The following ADCY8 variants were observed in gnomAD, a reference collection of about 807,000 sequenced individuals.
ADCY8 encodes the protein adenylate cyclase 8, also known as adenylate cyclase type 8.
ADCY8 carries 51 observed loss-of-function variants against 119.7 expected under a neutral mutation model. That is an observed-to-expected ratio of 0.43 (90% CI 0.34 to 0.54). ADCY8 has a LOEUF of 0.54. ADCY8 is among the 20% of genes least tolerant of loss of function. The pLI is 0.03. For missense variants in ADCY8, 1,383 were observed against 1,598.8 expected, an observed-to-expected ratio of 0.87 and a Z score of 2.30; for synonymous variants, 665 against 651.0, an observed-to-expected ratio of 1.02 and a Z score of -0.33.
intron 12 of ADCY8, among the ~76,000 whole-genome samples, chr8:130,822,558 C>G (rs183699742): frequency 5.4e-5 from 8 of 149,298 alleles, no homozygotes; most frequent in African/African-American, 1.5e-4. Context: ...ATCCATCCAT[C>G]CATCCATCCA....
At chr8:130,792,748 A>G (rs1224693876) in intron 15 of ADCY8, among the ~76,000 whole-genome samples, 1 of 151,976 alleles carries the variant, frequency 6.6e-6, no homozygotes, top group Non-Finnish European at 1.5e-5. Flanking sequence ...TCCACTCTTG[A>G]CCCTGTTCTT....
intron 14 of ADCY8, among the ~76,000 whole-genome samples, chr8:130,806,600 A>G (rs1374868428): frequency 6.6e-6 from 1 of 152,178 alleles, no homozygotes; most frequent in Non-Finnish European, 1.5e-5. Context: ...AGAGCCCAAA[A>G]GGAGTGAGCT....
At chr8:130,879,065 A>AAAG (rs1203148594) in intron 8 of ADCY8, among the ~76,000 whole-genome samples, 1 of 152,156 alleles carries the variant, frequency 6.6e-6, no homozygotes, top group Non-Finnish European at 1.5e-5. Flanking sequence ...TTAAGATGCT[A>AAAG]AAGTTTTGGG....
chr8:130,823,753 G>A (rs1816589680), intron 12 of ADCY8, among the ~76,000 whole-genome samples: 1 of 151,934 alleles, frequency 6.6e-6, no homozygotes, highest in Non-Finnish European at 1.5e-5. Context: ...AATAAAAATT[G>A]CCCTTAAGCC....
At chr8:130,885,204 T>C (rs925738976) in intron 7 of ADCY8, among the ~76,000 whole-genome samples, 1 of 144,520 alleles carries the variant, frequency 6.9e-6, no homozygotes, top group African/African-American at 2.6e-5. Flanking sequence ...GTGGAGAGAC[T>C]TGGGGTCTTA....
chr8:130,799,915 G>A (rs1302815661), intron 15 of ADCY8, among the ~76,000 whole-genome samples: 1 of 138,346 alleles, frequency 7.2e-6, no homozygotes, highest in Non-Finnish European at 1.5e-5. Flanking sequence ...GAATGGAACT[G>A]AAGTGCAGCG....
chr8:130,999,813 C>CA (rs1178581810), intron 1 of ADCY8, among the ~76,000 whole-genome samples: 13 of 152,182 alleles, frequency 8.5e-5, no homozygotes, highest in Admixed American at 7.2e-4. Flanking sequence ...GCCTTGAGTT[C>CA]ATTTTCTTTT....
intron 11 of ADCY8, among the ~76,000 whole-genome samples, chr8:130,846,875 CCCTTCCCTTCCCTTTCCTT>C (rs1418629598): frequency 9.0e-5 from 3 of 33,158 alleles, no homozygotes; most frequent in African/African-American, 4.7e-4. Flanking sequence ...CCCTTCCCTT[CCCTTCCCTTCCCTTTCCTT>C]CCTTCCTTCC....
chr8:130,952,912 G>A (rs1359240686), intron 2 of ADCY8, among the ~76,000 whole-genome samples: 2 of 152,204 alleles, frequency 1.3e-5, no homozygotes, highest in African/African-American at 4.8e-5. Flanking sequence ...GGCTTACAAG[G>A]CACTAGCTCT....
intron 9 of ADCY8, among the ~76,000 whole-genome samples, chr8:130,862,289 T>C (rs1442760721): frequency 6.6e-6 from 1 of 152,218 alleles, no homozygotes; most frequent in Non-Finnish European, 1.5e-5. Flanking sequence ...TAGATTGTTA[T>C]TAATTTTAGA....
intron 5 of ADCY8, among the ~76,000 whole-genome samples, chr8:130,917,329 A>G (rs1391893505): frequency 1.3e-5 from 2 of 152,200 alleles, no homozygotes; most frequent in Non-Finnish European, 2.9e-5. Flanking sequence ...AGCTTACATC[A>G]ATGTGGTTTA....
chr8:130,851,244 A>G (rs1817516327), intron 9 of ADCY8, among the ~76,000 whole-genome samples: 1 of 152,230 alleles, frequency 6.6e-6, no homozygotes, highest in African/African-American at 2.4e-5. Context: ...TAATTGAGAG[A>G]GGAATATAAA....
chr8:131,038,121 T>C (rs780852163), intron 1 of ADCY8, among the ~76,000 whole-genome samples: 4 of 152,164 alleles, frequency 2.6e-5, no homozygotes, highest in Admixed American at 6.5e-5. Context: ...GGATCCCACA[T>C]TGACCAGAAG....
chr8:130,998,329 G>A lies in ADCY8; in HGVS notation c.961-7787C>T, dbSNP rs143286074. ...ATTTGAGCAATGACCTGAAAGAAGT[G>A]AGGGAGTCATCCTCATTTGGGAAGA... is the stretch of plus-strand genomic sequence containing the variant. On this transcript the variant is annotated intron_variant, in intron 1 of 17. Transcript: ENST00000286355. Among the ~76,000 whole-genome samples the A allele has an allele frequency of 4.6e-5, 7 of 152,320 alleles. 1 individual carries two copies. Among genetic ancestry groups the A allele is most frequent in the African/African-American group, 1.7e-4 (7 of 41,578 alleles).
At chr8:130,861,082 C>A (rs1232374937) in intron 9 of ADCY8, among the ~76,000 whole-genome samples, 1 of 152,142 alleles carries the variant, frequency 6.6e-6, no homozygotes, top group Admixed American at 6.5e-5. Flanking sequence ...TTTATTCTTT[C>A]TTTAGCATCA....
At position 130,817,670 on chromosome 8, in the gene ADCY8, G is replaced by T. The variant is rs1369383306; in HGVS notation, c.2755-3443C>A. On this transcript the variant is annotated intron_variant, in intron 13 of 17. Transcript: ENST00000286355. ...TGAAACACAGAGAATATGGTAAAAT[G>T]TGTAAATTCAAAATGACACTTAAAA... 1.3e-5 allele frequency among the ~76,000 whole-genome samples: 2 copies of T among 152,136 alleles called. 1 individual carries two copies. Among genetic ancestry groups the T allele is most frequent in the Admixed American group, 1.3e-4 (2 of 15,272 alleles).
intron 12 of ADCY8, among the ~76,000 whole-genome samples, chr8:130,824,498 TAAGGTCCTAAAGGATAA>T (rs1816613671): frequency 6.6e-6 from 1 of 152,290 alleles, no homozygotes; most frequent in South Asian, 2.1e-4. Flanking sequence ...TGCTTGCCCT[TAAGGTCCTAAAGGATAA>T]AAATAATGCC....
chr8:130,861,285 T>G (rs112623071), intron 9 of ADCY8, among the ~76,000 whole-genome samples: 80 of 152,308 alleles, frequency 5.3e-4, no homozygotes, highest in African/African-American at 1.7e-3. Context: ...TAGATCAAGT[T>G]GGGAAAAATT....
Position 130,839,723 on chromosome 8 carries a change from T to TA in ADCY8, c.2503-3275dup, listed in dbSNP as rs1232117288. 2.1e-5 allele frequency among the ~76,000 whole-genome samples: 3 copies of TA among 140,270 alleles called. 1 individual carries two copies. The highest frequency in any genetic ancestry group is 4.8e-5 in the Non-Finnish European group (3 of 61,990). The allele number at this position is 140,270 out of a possible 152,430, so 92.0% of individuals were successfully genotyped here. A position where few individuals can be genotyped will look rare whatever the true frequency, so the allele number is the denominator to read the frequency against. The stretch of plus-strand genomic sequence containing the variant: ...AGGAACTTAGAAGGCCCACAGCTCC[T>TA]AAAGTGTCCCCTAAATGGATCCTGG... On this transcript the variant is annotated intron_variant, in intron 11 of 17. Transcript: ENST00000286355.
Sources: allele counts gnomAD v4.1 joint callset (sites outside exome capture counted in the v4.1 genomes callset), GRCh38; gene constraint gnomAD v4.1.1; transcripts MANE v1.5; gene names NCBI Gene and HGNC (gene_info 2026-07-23, HGNC 2026-07-21).